PRKCZ: variants seen among roughly 807,000 people sequenced by gnomAD.
PRKCZ encodes the protein protein kinase C zeta type.
A neutral mutation model predicts 79.5 loss-of-function variants in PRKCZ; 33 were observed. The observed-to-expected ratio is 0.41, with a 90% confidence interval of 0.31 to 0.55. The LOEUF is 0.55. Among genes scored for constraint, PRKCZ ranks in the 20% least tolerant of loss-of-function variants. The pLI, the probability that PRKCZ is intolerant of heterozygous loss-of-function variation, is 0.19. For missense variants in PRKCZ, 578 were observed against 813.5 expected (o/e 0.71, Z 3.52); for synonymous variants, 342 against 320.9 (o/e 1.07, Z -0.70).
At position 2,174,907 on chromosome 1, in the gene PRKCZ, G is replaced by T; in HGVS notation, c.1485+74G>T. The T allele has an allele frequency of 6.7e-6, 10 of 1,484,576 alleles. No individual in the cohort carries two copies. The highest frequency in any genetic ancestry group is 9.4e-6 in the Non-Finnish European group (10 of 1,067,044). The allele number at this position is 1,484,576 out of a possible 1,614,324, so 92.0% of individuals were successfully genotyped here. ...GGTGGGCAGAGGGCCAGGCACGGCT[G>T]TTGGCCATTTTTTCATGTCGGCTGC... On this transcript the variant is annotated intron_variant, in intron 15 of 17. Transcript: ENST00000378567. The surrounding 1 kb of genome is among the most constrained non-coding windows in gnomAD (Gnocchi z 6.2).
At chr1:2,078,459 T>G (rs1662849976) in intron 4 of PRKCZ, among the ~76,000 whole-genome samples, 1 of 152,216 alleles carries the variant, frequency 6.6e-6, no homozygotes, top group African/African-American at 2.4e-5. Context: ...TTTTGTGTGT[T>G]TTTCTCCTGA....
chr1:2,169,626 CG>C, intron 11 of PRKCZ, 22 bp downstream of exon 11: 1 of 1,139,184 alleles, frequency 8.8e-7, no homozygotes. Flanking sequence ...TGGACGGGGC[CG>C]GGTGGGTGCG....
chr1:2,088,243 C>T (rs753578716), intron 4 of PRKCZ, among the ~76,000 whole-genome samples: 2 of 152,238 alleles, frequency 1.3e-5, no homozygotes, highest in East Asian at 1.9e-4. Context: ...GCTCTGCCCC[C>T]GTCTGTCCCT....
chr1:2,121,317 G>A (rs550319735), intron 4 of PRKCZ, among the ~76,000 whole-genome samples: 28 of 152,324 alleles, frequency 1.8e-4, no homozygotes, highest in African/African-American at 5.8e-4. Context: ...CAGCATAAGC[G>A]AACAAGGCGT....
In PRKCZ at chr1:2,165,904, C is replaced by T. The variant is rs911325550; in HGVS notation, c.975-3614C>T. Among the ~76,000 whole-genome samples the T allele has an allele frequency of 1.3e-5, 2 of 152,072 alleles. No individual in the cohort carries two copies. Among genetic ancestry groups the T allele is most frequent in the African/African-American group, 2.4e-5 (1 of 41,422 alleles). The stretch of plus-strand genomic sequence containing the variant: ...GAGGTTTTGTGAGCTTCCCTCAGCC[C>T]CCGGCCGCCCCCTAGGAGGTTTCGT... On this transcript the variant is annotated intron_variant, in intron 10 of 17. Coordinates refer to ENST00000378567, the MANE Select transcript of PRKCZ (RefSeq NM_002744.6). This position sits in a 1 kb window ranked among gnomAD's most constrained non-coding sequence, Gnocchi z 4.1.
At chr1:2,175,950 C>T (rs562527756) in intron 16 of PRKCZ, among the ~76,000 whole-genome samples, 5 of 152,198 alleles carry the variant, frequency 3.3e-5, no homozygotes, top group East Asian at 3.9e-4. Context: ...TAGAGAAGGG[C>T]GTTTGCTTTG....
chr1:2,124,750 G>A (rs543337548), intron 4 of PRKCZ, among the ~76,000 whole-genome samples: 17 of 152,190 alleles, frequency 1.1e-4, no homozygotes, highest in African/African-American at 3.1e-4. Context: ...TGCCTGGCCC[G>A]GCTTTCTGTG....
chr1:2,169,103 C>A (rs940434321), intron 10 of PRKCZ: 4 of 455,948 alleles, frequency 8.8e-6, no homozygotes, highest in Admixed American at 4.7e-5. Flanking sequence ...GAGGCCACCC[C>A]ACCCGTGACC....
At chr1:2,100,748 GC>G (rs1667299299) in intron 4 of PRKCZ, among the ~76,000 whole-genome samples, 1 of 152,178 alleles carries the variant, frequency 6.6e-6, no homozygotes, top group African/African-American at 2.4e-5. Context: ...CCAGCCCTGA[GC>G]AGGTGGGGTC....
chr1:2,069,009 A>G (rs1402797598), intron 4 of PRKCZ, among the ~76,000 whole-genome samples: 1 of 152,090 alleles, frequency 6.6e-6, no homozygotes, highest in Non-Finnish European at 1.5e-5. Context: ...AGTTCCCGCC[A>G]GTCACCACCC....
At chr1:2,096,589 G>T (rs1263840971) in intron 4 of PRKCZ, among the ~76,000 whole-genome samples, 2 of 152,190 alleles carry the variant, frequency 1.3e-5, no homozygotes, top group African/African-American at 2.4e-5. Flanking sequence ...CTGACAGGGT[G>T]GCCCAGGGGT....
intron 4 of PRKCZ, among the ~76,000 whole-genome samples, chr1:2,107,786 G>A (rs1214043928): frequency 6.6e-6 from 1 of 151,824 alleles, no homozygotes; most frequent in African/African-American, 2.4e-5. Flanking sequence ...AGCATCCAGG[G>A]ATTTCCCCCA....
rs1044942833 is a variant in PRKCZ at position 2,094,785 on chromosome 1, C to T, written c.334+35194C>T. 3.3e-5 allele frequency among the ~76,000 whole-genome samples: 5 copies of T among 152,212 alleles called. No individual in the cohort carries two copies. The highest frequency in any genetic ancestry group is 4.8e-5 in the African/African-American group (2 of 41,426). ...ACCTTGGGCGCTGCCCGTTCTGAGGCGTCTGCTGTGGCCCTTACCGTCTGG... is the reference window on the plus strand; with the variant it reads ...ACCTTGGGCGCTGCCCGTTCTGAGGTGTCTGCTGTGGCCCTTACCGTCTGG... On this transcript the variant is annotated intron_variant, in intron 4 of 17. Coordinates refer to ENST00000378567, the MANE Select transcript of PRKCZ (RefSeq NM_002744.6). This position sits in a 1 kb window ranked among gnomAD's most constrained non-coding sequence, Gnocchi z 7.3.
At chr1:2,166,043 T>A (rs1356405336) in intron 10 of PRKCZ, among the ~76,000 whole-genome samples, 1 of 152,236 alleles carries the variant, frequency 6.6e-6, no homozygotes, top group African/African-American at 2.4e-5. Context: ...GCGTCTCGCC[T>A]GGTTCCTGAG....
chr1:2,155,032 A>C (rs542599693), intron 9 of PRKCZ, among the ~76,000 whole-genome samples: 2 of 152,346 alleles, frequency 1.3e-5, no homozygotes, highest in East Asian at 3.9e-4. Context: ...CCTGGAGGCC[A>C]GAGGCCAGTA....
chr1:2,182,201 TTTG>T lies in PRKCZ; in HGVS notation c.1576-2371_1576-2369del, dbSNP rs990173934. On this transcript the variant is annotated intron_variant, in intron 16 of 17. Coordinates refer to ENST00000378567, the MANE Select transcript of PRKCZ (RefSeq NM_002744.6). ...CCACGATTCCGTTCCCAGTTTGGCTTTTGTTGTTGTTGTGGCTGTTCTTGGCCC... is the reference window on the plus strand; with the variant it reads ...CCACGATTCCGTTCCCAGTTTGGCTTTTGTTGTTGTGGCTGTTCTTGGCCC... 1.1e-4 allele frequency: 25 copies of T among 227,056 alleles called. 1 individual carries two copies. Among genetic ancestry groups the T allele is most frequent in the Admixed American group, 6.5e-4 (11 of 16,918 alleles). The allele number at this position is 227,056 out of a possible 1,614,324, so 14.1% of individuals were successfully genotyped here. A position where few individuals can be genotyped will look rare whatever the true frequency, so the allele number is the denominator to read the frequency against.
intron 10 of PRKCZ, among the ~76,000 whole-genome samples, chr1:2,159,259 C>G (rs536629439): frequency 6.6e-6 from 1 of 152,266 alleles, no homozygotes; most frequent in Non-Finnish European, 1.5e-5. Flanking sequence ...AAGGCGGCCA[C>G]GCGTCCGGGT....
intron 4 of PRKCZ, among the ~76,000 whole-genome samples, chr1:2,086,123 G>A (rs1467347433): frequency 6.7e-6 from 1 of 149,820 alleles, no homozygotes; most frequent in Non-Finnish European, 1.5e-5. Flanking sequence ...ATGCAGTGGT[G>A]CAATCTTGGC....
intron 4 of PRKCZ, among the ~76,000 whole-genome samples, chr1:2,069,795 A>G (rs1476765767): frequency 6.6e-6 from 1 of 152,188 alleles, no homozygotes; most frequent in Non-Finnish European, 1.5e-5. Context: ...CAGCAGCCCC[A>G]GTCTTCCTTT....
Sources: gnomAD v4.1 joint callset for allele counts (sites outside exome capture counted in the v4.1 genomes callset) on GRCh38, gnomAD v4.1.1 for gene constraint, Gnocchi (gnomAD v3.1) non-coding constraint, MANE v1.5 for transcripts, NCBI Gene and HGNC (gene_info 2026-07-23, HGNC 2026-07-21) for gene names.